Variants in ICOS observed in about 807,000 individuals in gnomAD.
ICOS encodes the protein inducible T-cell costimulator.
A neutral mutation model predicts 24.6 loss-of-function variants in ICOS; 15 were observed. The observed-to-expected ratio is 0.61, with a 90% CI of 0.41 to 0.94. The LOEUF is 0.94. ICOS is among the 40% of genes least tolerant of loss of function. ICOS has a pLI of 0.00. For missense variants in ICOS, 200 were observed against 233.0 expected (o/e 0.86, Z 0.92); for synonymous variants, 89 against 77.5 (o/e 1.15, Z -0.78).
intron 1 of ICOS, among the ~76,000 whole-genome samples, chr2:203,940,261 C>T (rs755454270): frequency 2.0e-5 from 3 of 152,188 alleles, no homozygotes; most frequent in Non-Finnish European, 4.4e-5. Flanking sequence ...CTGCTCCATA[C>T]GTGGGTTTTG....
chr2:203,957,950 T>TC, intron 4 of ICOS, 67 bp downstream of exon 4: 3 of 965,742 alleles, frequency 3.1e-6, no homozygotes, highest in Non-Finnish European at 4.9e-6. Context: ...AATGTTAATT[T>TC]TTTTTTTTTT....
chr2:203,954,843 C>T (rs1459821957), intron 1 of ICOS, among the ~76,000 whole-genome samples: 1 of 148,320 alleles, frequency 6.7e-6, no homozygotes, highest in East Asian at 1.9e-4. Flanking sequence ...TTGTAATATA[C>T]ATATACATAT....
At chr2:203,954,096 C>T (rs1690031129) in intron 1 of ICOS, among the ~76,000 whole-genome samples, 1 of 152,018 alleles carries the variant, frequency 6.6e-6, no homozygotes. Context: ...ACAATTTCAG[C>T]ATGAAAATTT....
At position 203,960,267 on chromosome 2, in the gene ICOS, T is replaced by C. The variant is rs910717194; in HGVS notation, c.*668T>C. 2.5e-5 allele frequency: 4 copies of C among 158,736 alleles called. No homozygotes were observed. Among genetic ancestry groups the C allele is most frequent in the Admixed American group, 2.3e-4 (4 of 17,030 alleles). The allele number at this position is 158,736 out of a possible 1,614,324, so 9.8% of individuals were successfully genotyped here. On this transcript the variant is annotated 3_prime_UTR_variant, in exon 5 of 5. Coordinates refer to ENST00000316386, the MANE Select transcript of ICOS (RefSeq NM_012092.4). ...TTGACAGCCCAACAGCCACTCTCAATAGAGAGCTATGTCTTACATTCTTTC... is the reference window on the plus strand; with the variant it reads ...TTGACAGCCCAACAGCCACTCTCAACAGAGAGCTATGTCTTACATTCTTTC...
Position 203,956,701 on chromosome 2 carries a change from G to A in ICOS, c.437G>A (p.Gly146Glu), listed in dbSNP as rs769976991. 6.2e-7 allele frequency: 1 copy of A among 1,613,494 alleles called. No homozygotes were observed. The highest frequency in any genetic ancestry group is 8.5e-7 in the Non-Finnish European group (1 of 1,179,554). The change falls in exon 3 of 5, where the codon GGA (glycine) becomes GAA (glutamate). Residue 146 changes from glycine to glutamate, a missense_variant. Coordinates refer to ENST00000316386, the MANE Select transcript of ICOS (RefSeq NM_012092.4). Reference sequence around the variant, plus strand: ...CAGCTGAAGTTCTGGTTACCCATAGGATGTGCAGCCTTTGTTGTAGTCTGC... The same window carrying A: ...CAGCTGAAGTTCTGGTTACCCATAGAATGTGCAGCCTTTGTTGTAGTCTGC... The part of the protein sequence containing the change: ...CCQLKFWLPI[G>E]CAAFVVVCIL...
intron 2 of ICOS, among the ~76,000 whole-genome samples, chr2:203,956,173 T>G (rs769496927): frequency 6.6e-6 from 1 of 152,166 alleles, no homozygotes; most frequent in Non-Finnish European, 1.5e-5. Context: ...CAATATGCAA[T>G]GTAATCCCAT....
At chr2:203,936,922 T>G (rs377703215) in intron 1 of ICOS, 50 bp downstream of exon 1, 2 of 1,399,330 alleles carry the variant, frequency 1.4e-6, no homozygotes, top group African/African-American at 2.8e-5. Context: ...CAAGTAAACA[T>G]TAAGAAAAAG....
At chr2:203,939,977 C>G (rs1444554628) in intron 1 of ICOS, among the ~76,000 whole-genome samples, 1 of 151,872 alleles carries the variant, frequency 6.6e-6, no homozygotes. Flanking sequence ...TTTGTTGTAT[C>G]CTCTTTTTCT....
At position 203,955,810 on chromosome 2, in the gene ICOS, A is replaced by G; in HGVS notation, c.233A>G (p.Lys78Arg). ...TKGSGNTVSI[K>R]SLKFCHSQLS... ...GGAAGTGGAAACACAGTGTCCATTA[A>G]GAGTCTGAAATTCTGCCATTCTCAG... The change falls in exon 2 of 5, where the codon AAG becomes AGG. Residue 78 changes from lysine to arginine, a missense_variant. By Grantham distance (26) the Lys-to-Arg change is conservative. Transcript: ENST00000316386. 1 of 1,613,884 alleles carries G rather than the reference A, an allele frequency of 6.2e-7. No homozygotes were observed. Among genetic ancestry groups the G allele is most frequent in the African/African-American group, 1.3e-5 (1 of 75,034 alleles).
intron 3 of ICOS, 61 bp downstream of exon 3, chr2:203,956,826 T>A: frequency 9.0e-7 from 1 of 1,114,056 alleles, no homozygotes; most frequent in Non-Finnish European, 1.4e-6. Context: ...GATTATTTCC[T>A]CATCAAAAGT....
chr2:203,938,970 T>C (rs556671071), intron 1 of ICOS, among the ~76,000 whole-genome samples: 1 of 152,328 alleles, frequency 6.6e-6, no homozygotes, highest in East Asian at 1.9e-4. Context: ...GAAACTGCCA[T>C]GTAAAAGCTC....
At chr2:203,957,742 A>T in intron 3 of ICOS, 57 bp from the exon 4 acceptor site, 6 of 1,311,986 alleles carry the variant, frequency 4.6e-6, no homozygotes, top group Non-Finnish European at 6.6e-6. Context: ...AACAGTCAAA[A>T]AACAAAGAGA....
At chr2:203,941,728 C>G (rs755728859) in intron 1 of ICOS, among the ~76,000 whole-genome samples, 1 of 151,962 alleles carries the variant, frequency 6.6e-6, no homozygotes, top group African/African-American at 2.4e-5. Context: ...ACTTTTTGGT[C>G]ATTCAAAGTG....
At chr2:203,959,257 A>G (rs1340668705) in intron 4 of ICOS, among the ~76,000 whole-genome samples, 14 of 152,210 alleles carry the variant, frequency 9.2e-5, no homozygotes. Flanking sequence ...AGTGAAATGC[A>G]GTGGGGCTGT....
Position 203,959,756 on chromosome 2 carries a change from C to A in ICOS, c.*157C>A. ...AATCTGGAAGAATGACTGTATCAGTCAATGGGGATTTTAACAGACTGCCTT... is the reference window on the plus strand; with the variant it reads ...AATCTGGAAGAATGACTGTATCAGTAAATGGGGATTTTAACAGACTGCCTT... On this transcript the variant is annotated 3_prime_UTR_variant, in exon 5 of 5. Coordinates refer to ENST00000316386, the MANE Select transcript of ICOS (RefSeq NM_012092.4). The A allele has an allele frequency of 1.3e-6, 1 of 752,680 alleles. No individual in the cohort carries two copies. Among genetic ancestry groups the A allele is most frequent in the South Asian group, 1.5e-5 (1 of 68,280 alleles). The allele number at this position is 752,680 out of a possible 1,614,324, so 46.6% of individuals were successfully genotyped here.
intron 1 of ICOS, among the ~76,000 whole-genome samples, chr2:203,939,071 G>A (rs948984753): frequency 6.6e-6 from 1 of 152,192 alleles, no homozygotes; most frequent in Non-Finnish European, 1.5e-5. Flanking sequence ...GCTTTCTCAT[G>A]CCATGAAGAT....
At chr2:203,937,435 C>G (rs1043663320) in intron 1 of ICOS, among the ~76,000 whole-genome samples, 1 of 152,030 alleles carries the variant, frequency 6.6e-6, no homozygotes, top group African/African-American at 2.4e-5. Context: ...CTTCCTAGCC[C>G]CTGTAGACCT....
intron 1 of ICOS, among the ~76,000 whole-genome samples, chr2:203,939,230 G>C (rs1206549057): frequency 3.3e-5 from 5 of 152,220 alleles, no homozygotes. Flanking sequence ...TGTTGAAGTA[G>C]TGGAGGTGTA....
chr2:203,958,395 T>A (rs1270839014), intron 4 of ICOS, among the ~76,000 whole-genome samples: 1 of 152,028 alleles, frequency 6.6e-6, no homozygotes, highest in Non-Finnish European at 1.5e-5. Context: ...AGGTAAAGAG[T>A]GTGCAAGTTT....
Sources: gnomAD v4.1 joint callset for allele counts (sites outside exome capture counted in the v4.1 genomes callset) on GRCh38, gnomAD v4.1.1 for gene constraint, MANE v1.5 for transcripts, NCBI Gene and HGNC (gene_info 2026-07-23, HGNC 2026-07-21) for gene names.